PXYLP1: variants seen among roughly 807,000 people sequenced by gnomAD.
PXYLP1 encodes acid phosphatase-like 2.
PXYLP1 carries 17 observed loss-of-function variants against 37.9 expected under a neutral mutation model. The observed-to-expected ratio is 0.45, with a 90% CI of 0.31 to 0.67. PXYLP1 has a LOEUF of 0.67. Ranked by LOEUF, PXYLP1 falls within the 30% of genes least tolerant of loss-of-function variation. PXYLP1 has a pLI of 0.07. For missense variants in PXYLP1, 511 were observed against 612.0 expected (o/e 0.84, Z 1.74); for synonymous variants, 221 against 232.2 (o/e 0.95, Z 0.44).
rs1164498280 is a variant in PXYLP1 at position 141,248,536 on chromosome 3, TAC to T, written c.-53-11580_-53-11579del. On this transcript the variant is annotated intron_variant, in intron 1 of 5. Transcript: ENST00000286353. ...ATACACACACACACACGTATATATATACACACACGTATATATACACACGTGTA... is the reference window on the plus strand; with the variant it reads ...ATACACACACACACACGTATATATATACACACGTATATATACACACGTGTA... Among the ~76,000 whole-genome samples the T allele has an allele frequency of 1.0e-4, 15 of 148,210 alleles. 1 individual carries two copies. The highest frequency in any genetic ancestry group is 3.5e-3 in the Middle Eastern group (1 of 288).
rs571402588 is a variant in PXYLP1 at position 141,272,171 on chromosome 3, T to C, written c.80-6171T>C. On this transcript the variant is annotated intron_variant, in intron 2 of 5. Transcript: ENST00000286353. ...TGACACCCTAGGGGAAAGAAACTGG[T>C]GTGTCCTTGTGCAAGTCAGAGTAAC... 1.1e-4 allele frequency among the ~76,000 whole-genome samples: 17 copies of C among 152,258 alleles called. No individual in the cohort carries two copies. In the East Asian group the frequency reaches 2.5e-3, roughly 22 times the overall value.
chr3:141,277,391 T>A (rs1023457655), intron 2 of PXYLP1, among the ~76,000 whole-genome samples: 3 of 152,172 alleles, frequency 2.0e-5, no homozygotes, highest in Non-Finnish European at 4.4e-5. Flanking sequence ...TGTTGGGAGT[T>A]CTAGAGGATC....
chr3:141,282,309 G>A (rs916767315), intron 4 of PXYLP1, among the ~76,000 whole-genome samples: 5 of 152,066 alleles, frequency 3.3e-5, no homozygotes, highest in Admixed American at 2.6e-4. Context: ...AAGCTTTATG[G>A]CCAGTCCTCT....
chr3:141,241,914 C>T (rs1422498788), intron 1 of PXYLP1, among the ~76,000 whole-genome samples: 1 of 152,132 alleles, frequency 6.6e-6, no homozygotes, highest in African/African-American at 2.4e-5. Context: ...GTGCCCTGTC[C>T]CTCTGTGTCT....
rs79639773 is a variant in PXYLP1 at position 141,248,558 on chromosome 3, C to G, written c.-53-11565C>G. On this transcript the variant is annotated intron_variant, in intron 1 of 5. Transcript: ENST00000286353. ...ATATACACACACGTATATATACACA[C>G]GTGTATATATATACACACATGTATA... 1.5e-5 allele frequency among the ~76,000 whole-genome samples: 2 copies of G among 133,216 alleles called. 1 individual carries two copies. The highest frequency in any genetic ancestry group is 6.5e-5 in the African/African-American group (2 of 30,706). 87.4% of individuals were successfully genotyped at this position (133,216 alleles called of 152,430 possible). A position where few individuals can be genotyped will look rare whatever the true frequency, so the allele number is the denominator to read the frequency against.
At position 141,257,510 on chromosome 3, in the gene PXYLP1, G is replaced by A. The variant is rs73869546; in HGVS notation, c.-53-2613G>A. Among the ~76,000 whole-genome samples the A allele has an allele frequency of 1.0e-2, 1,520 of 152,262 alleles. 25 individuals are homozygous for A. The highest frequency in any genetic ancestry group is 0.035 in the African/African-American group (1,442 of 41,522). ...TGAAAAAATTGGGGGCTGTTACTGC[G>A]ACAATTTACCATGCTATAAAACTGA... On this transcript the variant is annotated intron_variant, in intron 1 of 5. Transcript: ENST00000286353.
At chr3:141,270,708 A>G (rs992387603) in intron 2 of PXYLP1, among the ~76,000 whole-genome samples, 1 of 152,208 alleles carries the variant, frequency 6.6e-6, no homozygotes, top group African/African-American at 2.4e-5. Context: ...AGGGAGCCAG[A>G]AAAGCTGCTA....
intron 1 of PXYLP1, among the ~76,000 whole-genome samples, chr3:141,236,994 T>C (rs1464321512): frequency 6.6e-6 from 1 of 152,182 alleles, no homozygotes; most frequent in Non-Finnish European, 1.5e-5. Context: ...TACAGTACCT[T>C]ACTATATAAA....
chr3:141,277,804 C>T (rs762322709), intron 2 of PXYLP1, among the ~76,000 whole-genome samples: 72 of 152,250 alleles, frequency 4.7e-4, no homozygotes, highest in African/African-American at 1.5e-3. Flanking sequence ...AAGGAGTAAG[C>T]GTGAGACAGG....
At position 141,293,145 on chromosome 3, in the gene PXYLP1, T is replaced by G. The variant is rs752726706; in HGVS notation, c.1383T>G (p.Phe461Leu). ...NLVRFVKRDMFVALGGSGTNY... is the reference protein window; with the variant it reads ...NLVRFVKRDMLVALGGSGTNY... ...TCCGCTTTGTGAAAAGGGACATGTT[T>G]GTAGCCCTGGGTGGCAGTGGTACAA... The change falls in exon 6 of 6, where the codon TTT becomes TTG. Residue 461 changes from phenylalanine to leucine, a missense_variant. By Grantham distance (22) the Phe-to-Leu change is conservative. Transcript: ENST00000286353. 1.9e-6 allele frequency: 3 copies of G among 1,614,020 alleles called. No homozygotes were observed. The African/African-American group carries it at 4.0e-5, about 22-fold the overall frequency.
chr3:141,284,121 C>T (rs1942017117), intron 4 of PXYLP1, among the ~76,000 whole-genome samples: 2 of 152,104 alleles, frequency 1.3e-5, no homozygotes, highest in African/African-American at 4.8e-5. Context: ...CACAGGGACT[C>T]ATGAATGCAT....
At chr3:141,252,148 G>A (rs1576582117) in intron 1 of PXYLP1, among the ~76,000 whole-genome samples, 1 of 152,138 alleles carries the variant, frequency 6.6e-6, no homozygotes, top group East Asian at 1.9e-4. Flanking sequence ...GTATGACTGG[G>A]AAATGAGGTG....
intron 1 of PXYLP1, among the ~76,000 whole-genome samples, chr3:141,232,988 C>T (rs1258060838): frequency 2.0e-5 from 3 of 151,798 alleles, no homozygotes; most frequent in African/African-American, 7.3e-5. Flanking sequence ...GATGGGGGAT[C>T]GGAGAGTGCT....
chr3:141,285,123 G>GT (rs1182552683), intron 4 of PXYLP1, among the ~76,000 whole-genome samples: 1 of 120,838 alleles, frequency 8.3e-6, no homozygotes, highest in Non-Finnish European at 1.7e-5. Flanking sequence ...GTTGTCAAAT[G>GT]TTTTTTTTCT....
intron 2 of PXYLP1, chr3:141,273,858 G>T: frequency 4.1e-6 from 4 of 985,334 alleles, no homozygotes; most frequent in Non-Finnish European, 4.8e-6. Context: ...ATCAGTAAAA[G>T]ATATCTCGTA....
chr3:141,233,198 T>G (rs1429137005), intron 1 of PXYLP1, among the ~76,000 whole-genome samples: 1 of 152,100 alleles, frequency 6.6e-6, no homozygotes, highest in South Asian at 2.1e-4. Flanking sequence ...TCGGGCGCGG[T>G]GGCTCACGCC....
chr3:141,273,855 A>G (rs1333346201), intron 2 of PXYLP1: 2 of 985,204 alleles, frequency 2.0e-6, no homozygotes, highest in East Asian at 2.3e-4. Context: ...ATCATCAGTA[A>G]AAGATATCTC....
At chr3:141,275,309 C>T (rs1941765987) in intron 2 of PXYLP1, among the ~76,000 whole-genome samples, 1 of 152,230 alleles carries the variant, frequency 6.6e-6, no homozygotes, top group African/African-American at 2.4e-5. Context: ...TCCCAAATGG[C>T]AGCCACAACA....
chr3:141,275,297 G>A (rs1434279278), intron 2 of PXYLP1, among the ~76,000 whole-genome samples: 3 of 152,222 alleles, frequency 2.0e-5, no homozygotes, highest in African/African-American at 7.2e-5. Context: ...AACCACCATG[G>A]TTCCCAAATG....
Sources: allele counts gnomAD v4.1 joint callset (sites outside exome capture counted in the v4.1 genomes callset), GRCh38; gene constraint gnomAD v4.1.1; transcripts MANE v1.5; gene names NCBI Gene and HGNC (gene_info 2026-07-23, HGNC 2026-07-21).